ZNF676: variants seen among roughly 807,000 people sequenced by gnomAD.
The protein encoded by ZNF676 is zinc finger protein 676.
ZNF676 carries 4 observed loss-of-function variants against 6.0 expected under a neutral mutation model. That is an observed-to-expected ratio of 0.67 (90% CI 0.33 to 1.53). ZNF676 has a LOEUF of 1.53. ZNF676 is among the 40% of genes most tolerant of loss of function. The pLI is 0.06. For synonymous variants in ZNF676, 198 were observed against 223.1 expected, an observed-to-expected ratio of 0.89 and a Z score of 1.00; for missense variants, 644 against 679.7, an observed-to-expected ratio of 0.95 and a Z score of 0.58.
intron 2 of ZNF676, among the ~76,000 whole-genome samples, chr19:22,184,002 T>C (rs1045957039): frequency 4.6e-5 from 7 of 152,276 alleles, no homozygotes; most frequent in South Asian, 2.1e-4. Context: ...GAGATCAATA[T>C]AATTATAGTA....
At chr19:22,220,201 G>A (rs1599722124), upstream of ZNF676, among the ~76,000 whole-genome samples, 1 of 152,132 alleles carries the variant, frequency 6.6e-6, no homozygotes, top group Admixed American at 6.5e-5. Flanking sequence ...TTATTAATAT[G>A]TTGCTGTGTT....
At chr19:22,238,672 G>A in the ZNF676 span, among the ~76,000 whole-genome samples, 2 of 152,270 alleles carry the variant, frequency 1.3e-5, no homozygotes, top group East Asian at 3.9e-4. Context: ...ATACATATAT[G>A]TTAATTAAGT....
chr19:22,216,869 T>C (rs373708112), upstream of ZNF676, among the ~76,000 whole-genome samples: 387 of 148,768 alleles, frequency 2.6e-3, no homozygotes, highest in African/African-American at 8.6e-3. Context: ...CAGGAGGTTG[T>C]GGCTGCAGTG....
the ZNF676 span, among the ~76,000 whole-genome samples, chr19:22,222,655 G>A: frequency 8.0e-6 from 1 of 124,546 alleles, no homozygotes; most frequent in Non-Finnish European, 1.7e-5. Context: ...CTGGTTACAA[G>A]GGGTAAAAAT....
chr19:22,185,044 G>A (rs963584056), intron 2 of ZNF676, among the ~76,000 whole-genome samples: 2 of 152,034 alleles, frequency 1.3e-5, no homozygotes, highest in African/African-American at 4.8e-5. Context: ...ACCTCAAGTT[G>A]GTCCCTGACA....
At chr19:22,186,658 T>C (rs1173094317) in intron 2 of ZNF676, among the ~76,000 whole-genome samples, 1 of 152,054 alleles carries the variant, frequency 6.6e-6, no homozygotes, top group Non-Finnish European at 1.5e-5. Context: ...CAAAGACACA[T>C]ATAGGCTCAA....
At chr19:22,190,098 A>T (rs548109677) in intron 2 of ZNF676, among the ~76,000 whole-genome samples, 22 of 152,172 alleles carry the variant, frequency 1.4e-4, no homozygotes, top group Non-Finnish European at 2.8e-4. Flanking sequence ...ACTATTCACA[A>T]TAGCAAAGAT....
the ZNF676 span, chr19:22,243,251 T>C: frequency 1.3e-5 from 2 of 151,972 alleles, no homozygotes; most frequent in Admixed American, 6.6e-5. Flanking sequence ...GTCCTGGGCA[T>C]AGCACTGTGT....
intron 1 of ZNF676, among the ~76,000 whole-genome samples, chr19:22,208,030 T>C (rs930936262): frequency 1.3e-5 from 2 of 150,300 alleles, no homozygotes; most frequent in African/African-American, 2.4e-5. Flanking sequence ...AGTGCCATTC[T>C]AGACATAGAA....
intron 1 of ZNF676, among the ~76,000 whole-genome samples, chr19:22,212,199 C>CAACAAA (rs2024135686): frequency 8.4e-6 from 1 of 119,146 alleles, no homozygotes. Context: ...GATTCTGTCT[C>CAACAAA]AAAAAAAAAA....
the ZNF676 span, among the ~76,000 whole-genome samples, chr19:22,255,702 A>G: frequency 1.3e-5 from 2 of 151,914 alleles, no homozygotes; most frequent in Non-Finnish European, 2.9e-5. Flanking sequence ...AAAATTAGCC[A>G]GGCGTGGTGG....
chr19:22,216,934 TAAA>T (rs368316740), upstream of ZNF676, among the ~76,000 whole-genome samples: 1 of 136,918 alleles, frequency 7.3e-6, no homozygotes, highest in Non-Finnish European at 1.6e-5. Flanking sequence ...AGACTCTTTC[TAAA>T]AAAAAAAAAA....
intron 1 of ZNF676, among the ~76,000 whole-genome samples, chr19:22,214,771 G>A (rs1168935681): frequency 6.6e-6 from 1 of 151,640 alleles, no homozygotes; most frequent in African/African-American, 2.4e-5. Flanking sequence ...TGGGCGCCAT[G>A]ACTCACACCT....
Position 22,180,470 on chromosome 19 carries a change from G to C in ZNF676, c.1247C>G (p.Thr416Ser), listed in dbSNP as rs1266192577. The change falls in exon 3 of 3, where the codon ACT (threonine) becomes AGT (serine). Residue 416 changes from threonine (T) to serine (S), a missense_variant. Physicochemically the swap from Thr to Ser is moderately conservative, Grantham distance 58. Coordinates refer to ENST00000397121, the MANE Select transcript of ZNF676 (RefSeq NM_001001411.3). ...SKLMEHKRIH[T>S]GEKPYKCEEC... ...TTCACACTTGTAGGGTTTCTCTCCA[G>C]TATGAATTCTCTTATGTTCCATGAG... is the stretch of plus-strand genomic sequence containing the variant. The C allele has an allele frequency of 6.2e-7, 1 of 1,609,470 alleles. No individual in the cohort carries two copies. The highest frequency in any genetic ancestry group is 8.5e-7 in the Non-Finnish European group (1 of 1,178,240).
At chr19:22,250,743 C>T in the ZNF676 span, among the ~76,000 whole-genome samples, 1 of 150,430 alleles carries the variant, frequency 6.6e-6, no homozygotes, top group Non-Finnish European at 1.5e-5. Context: ...ACAGAGTTTC[C>T]TTCTATCACC....
upstream of ZNF676, among the ~76,000 whole-genome samples, chr19:22,217,260 T>G (rs1369423795): frequency 6.6e-6 from 1 of 152,156 alleles, no homozygotes; most frequent in Non-Finnish European, 1.5e-5. Flanking sequence ...CGGAGTACAG[T>G]GGCGCGATCT....
chr19:22,190,462 A>T (rs932482021), intron 2 of ZNF676, among the ~76,000 whole-genome samples: 1 of 151,812 alleles, frequency 6.6e-6, no homozygotes, highest in Non-Finnish European at 1.5e-5. Flanking sequence ...CCCTAAAAGT[A>T]TATAGAATCT....
chr19:22,254,864 T>C, the ZNF676 span, among the ~76,000 whole-genome samples: 296 of 152,254 alleles, frequency 1.9e-3, 1 homozygote, highest in African/African-American at 6.5e-3. Context: ...TCACACCACC[T>C]AGATGCTGGG....
the ZNF676 span, among the ~76,000 whole-genome samples, chr19:22,254,983 A>G: frequency 6.6e-6 from 1 of 152,234 alleles, no homozygotes; most frequent in Non-Finnish European, 1.5e-5. Flanking sequence ...ATGGTGTAAG[A>G]ATGAGATTAA....
Sources: gnomAD v4.1 joint callset for allele counts (sites outside exome capture counted in the v4.1 genomes callset) on GRCh38, gnomAD v4.1.1 for gene constraint, MANE v1.5 for transcripts, NCBI Gene and HGNC (gene_info 2026-07-23, HGNC 2026-07-21) for gene names.